The following MCU variants were observed in gnomAD, a reference collection of about 807,000 sequenced individuals.
The protein encoded by MCU is mitochondrial calcium uniporter.
Under a neutral mutation model 45.2 loss-of-function variants are expected in MCU, and 12 were observed. That is an observed-to-expected ratio of 0.27 (90% CI 0.17 to 0.43). The LOEUF (loss-of-function observed/expected upper bound fraction) is 0.43. Among genes scored for constraint, MCU ranks in the 20% least tolerant of loss-of-function variants. The pLI, the probability that MCU is intolerant of heterozygous loss-of-function variation, is 1.00. For missense variants in MCU, 324 were observed against 436.7 expected (o/e 0.74, Z 2.30); for synonymous variants, 160 against 165.1 (o/e 0.97, Z 0.24).
intron 1 of MCU, among the ~76,000 whole-genome samples, chr10:72,698,854 A>G (rs1842721268): frequency 6.6e-6 from 1 of 152,036 alleles, no homozygotes; most frequent in Non-Finnish European, 1.5e-5. Flanking sequence ...CCCAGGCTGA[A>G]GTATAGTAGT....
chr10:72,848,686 C>T (rs889182943), intron 2 of MCU, among the ~76,000 whole-genome samples: 1 of 151,946 alleles, frequency 6.6e-6, no homozygotes. Flanking sequence ...TGAAGGCTGG[C>T]TATCACAGTA....
At position 72,842,473 on chromosome 10, in the gene MCU, C is replaced by T. The variant is rs528164940; in HGVS notation, c.220+8045C>T. 9.2e-5 allele frequency among the ~76,000 whole-genome samples: 14 copies of T among 152,250 alleles called. No individual in the cohort carries two copies. In the East Asian group the frequency reaches 1.7e-3, roughly 19 times the overall value. Reference sequence around the variant, plus strand: ...TCTATTTGTTACCATGTACCTTTCTCGGAATTTTCAGTACCACTTTTCATC... The same window carrying T: ...TCTATTTGTTACCATGTACCTTTCTTGGAATTTTCAGTACCACTTTTCATC... On this transcript the variant is annotated intron_variant, in intron 2 of 7. Coordinates refer to ENST00000373053, the MANE Select transcript of MCU (RefSeq NM_138357.3).
At chr10:72,801,181 T>C (rs185705340) in intron 1 of MCU, among the ~76,000 whole-genome samples, 1 of 152,254 alleles carries the variant, frequency 6.6e-6, no homozygotes, top group Admixed American at 6.5e-5. Flanking sequence ...GTAGAGGCCA[T>C]ATTCATAGTA....
chr10:72,748,680 T>A (rs1457589403), intron 1 of MCU, among the ~76,000 whole-genome samples: 1 of 151,806 alleles, frequency 6.6e-6, no homozygotes, highest in Admixed American at 6.6e-5. Context: ...AAAGGAGATA[T>A]AAGGAGTCTG....
chr10:72,722,094 G>A (rs1157998810), intron 1 of MCU, among the ~76,000 whole-genome samples: 1 of 152,050 alleles, frequency 6.6e-6, no homozygotes, highest in Non-Finnish European at 1.5e-5. Context: ...CACTTTATTT[G>A]AAGATAAATT....
chr10:72,759,269 T>G (rs1294011382), intron 1 of MCU, among the ~76,000 whole-genome samples: 1 of 152,128 alleles, frequency 6.6e-6, no homozygotes, highest in African/African-American at 2.4e-5. Flanking sequence ...CGTGATTGAT[T>G]GAGCAAGCAG....
At chr10:72,705,993 G>A (rs1842815334) in intron 1 of MCU, among the ~76,000 whole-genome samples, 1 of 151,910 alleles carries the variant, frequency 6.6e-6, no homozygotes, top group African/African-American at 2.4e-5. Flanking sequence ...AAAAAAAAAG[G>A]GGGTATATTC....
At chr10:72,748,516 A>G (rs1462355067) in intron 1 of MCU, among the ~76,000 whole-genome samples, 1 of 152,146 alleles carries the variant, frequency 6.6e-6, no homozygotes, top group Admixed American at 6.5e-5. Context: ...ATCCAAAGTG[A>G]ATGTCAAGGA....
chr10:72,798,494 G>A (rs1255357394), intron 1 of MCU, among the ~76,000 whole-genome samples: 3 of 152,090 alleles, frequency 2.0e-5, no homozygotes, highest in Admixed American at 6.5e-5. Flanking sequence ...GTTTCACCAT[G>A]CTGGCCAGGC....
chr10:72,860,229 T>G, intron 3 of MCU, 194 bp from the exon 4 acceptor site: 3 of 558,826 alleles, frequency 5.4e-6, no homozygotes, highest in Non-Finnish European at 6.4e-6. Context: ...AAGCTGTTGT[T>G]AAATCTTCAC....
At chr10:72,864,569 A>C (rs919667276) in intron 4 of MCU, among the ~76,000 whole-genome samples, 1 of 151,602 alleles carries the variant, frequency 6.6e-6, no homozygotes, top group Admixed American at 6.5e-5. Context: ...AGCTTACTTT[A>C]CTGTAAGAAT....
At chr10:72,707,569 A>C (rs1397248297) in intron 1 of MCU, among the ~76,000 whole-genome samples, 1 of 151,232 alleles carries the variant, frequency 6.6e-6, no homozygotes, top group Non-Finnish European at 1.5e-5. Context: ...TAGTTTTCTG[A>C]GATAGTTAAA....
At chr10:72,724,901 G>A (rs887357915) in intron 1 of MCU, among the ~76,000 whole-genome samples, 3 of 152,162 alleles carry the variant, frequency 2.0e-5, no homozygotes, top group Non-Finnish European at 4.4e-5. Context: ...TTGAATAAAC[G>A]AATCTTTGGG....
chr10:72,701,133 A>G (rs1163512202), intron 1 of MCU, among the ~76,000 whole-genome samples: 2 of 152,222 alleles, frequency 1.3e-5, no homozygotes, highest in African/African-American at 4.8e-5. Flanking sequence ...TAGTTCAGAG[A>G]AAGTTAGTAT....
chr10:72,868,551 C>CAAAAAAA, intron 4 of MCU, 152 bp from the exon 5 acceptor site: 1 of 488,770 alleles, frequency 2.0e-6, no homozygotes, highest in Non-Finnish European at 3.3e-6. Context: ...GACTTTGTCT[C>CAAAAAAA]AAAAAAAAAA....
chr10:72,874,935 G>T (rs544840654), intron 6 of MCU, among the ~76,000 whole-genome samples: 4 of 152,074 alleles, frequency 2.6e-5, no homozygotes, highest in Non-Finnish European at 5.9e-5. Context: ...CCTTTTGCTT[G>T]GTCATTACTA....
chr10:72,804,040 AT>A lies in MCU; in HGVS notation c.151-30318del, dbSNP rs1245500980. ...TAAATATATATATATATATATATAT[AT>A]ATATATATATATATATATATATATA... is the stretch of plus-strand genomic sequence containing the variant. On this transcript the variant is annotated intron_variant, in intron 1 of 7. Transcript: ENST00000373053. Among the ~76,000 whole-genome samples, 5 of 68,262 alleles carry A rather than the reference AT, an allele frequency of 7.3e-5. 1 individual carries two copies. Among genetic ancestry groups the A allele is most frequent in the African/African-American group, 4.1e-4 (4 of 9,772 alleles). 44.8% of individuals were successfully genotyped at this position (68,262 alleles called of 152,430 possible).
At chr10:72,745,401 C>A (rs1445256166) in intron 1 of MCU, among the ~76,000 whole-genome samples, 1 of 152,000 alleles carries the variant, frequency 6.6e-6, no homozygotes, top group Non-Finnish European at 1.5e-5. Flanking sequence ...CTGGTTTTTT[C>A]TATTTTTAGT....
intron 1 of MCU, among the ~76,000 whole-genome samples, chr10:72,819,727 CT>C (rs71021538): frequency 6.8e-4 from 70 of 102,590 alleles, no homozygotes; most frequent in East Asian, 1.7e-3. Context: ...TTTTTCCAGT[CT>C]TTTTTTTTTT....
Sources: gnomAD v4.1 joint callset for allele counts (sites outside exome capture counted in the v4.1 genomes callset) on GRCh38, gnomAD v4.1.1 for gene constraint, MANE v1.5 for transcripts, NCBI Gene and HGNC (gene_info 2026-07-23, HGNC 2026-07-21) for gene names.